Variants in TSPAN2 observed in about 807,000 individuals in gnomAD.
TSPAN2 encodes tetraspanin-2.
A neutral mutation model predicts 33.3 loss-of-function variants in TSPAN2; 24 were observed. The observed-to-expected ratio is 0.72, with a 90% CI of 0.52 to 1.01. TSPAN2 has a LOEUF of 1.01. Ranked by LOEUF, TSPAN2 falls within the 50% of genes least tolerant of loss-of-function variation. TSPAN2 has a pLI of 0.00. For missense variants in TSPAN2, 278 were observed against 281.3 expected (o/e 0.99, Z 0.08); for synonymous variants, 114 against 104.5 (o/e 1.09, Z -0.56).
intron 2 of TSPAN2, among the ~76,000 whole-genome samples, chr1:115,065,010 C>T (rs1399299577): frequency 1.3e-5 from 2 of 152,158 alleles, no homozygotes; most frequent in Non-Finnish European, 2.9e-5. Context: ...ATATTTCATT[C>T]TTAGGCTATC....
At chr1:115,070,544 C>T (rs1648129591) in intron 2 of TSPAN2, among the ~76,000 whole-genome samples, 1 of 151,800 alleles carries the variant, frequency 6.6e-6, no homozygotes, top group East Asian at 1.9e-4. Context: ...CCCTTTCCCT[C>T]CCCAACATTC....
rs142068776 is a variant in TSPAN2 at position 115,071,482 on chromosome 1, C to A, written c.172+1423G>T. Among the ~76,000 whole-genome samples the A allele has an allele frequency of 8.8e-4, 134 of 152,294 alleles. 1 individual carries two copies. Among genetic ancestry groups the A allele is most frequent in the Non-Finnish European group, 1.6e-3 (107 of 68,022 alleles). On this transcript the variant is annotated intron_variant, in intron 2 of 7. Coordinates refer to ENST00000369516, the MANE Select transcript of TSPAN2 (RefSeq NM_005725.6). ...AACCTGGGCCTTTGATGACTTTGTT[C>A]AGCTCTGAACGAATTCTGGAAAGTC...
At chr1:115,070,742 C>T (rs1648137183) in intron 2 of TSPAN2, among the ~76,000 whole-genome samples, 1 of 152,166 alleles carries the variant, frequency 6.6e-6, no homozygotes, top group South Asian at 2.1e-4. Flanking sequence ...ATCCTTCTTT[C>T]CTTACCAGTT....
At chr1:115,077,332 TA>T (rs56178923) in intron 1 of TSPAN2, among the ~76,000 whole-genome samples, 79,178 of 148,772 alleles carry the variant, frequency 0.53, 21,361 homozygotes, top group African/African-American at 0.65. Flanking sequence ...GAAAAATACT[TA>T]AAAAAAAAAA....
intron 2 of TSPAN2, among the ~76,000 whole-genome samples, chr1:115,072,451 A>G (rs1336989340): frequency 6.6e-6 from 1 of 152,216 alleles, no homozygotes; most frequent in African/African-American, 2.4e-5. Flanking sequence ...TTAAAATATA[A>G]GATCACAAAA....
At chr1:115,053,276 T>C (rs950888298) in intron 7 of TSPAN2, 103 bp downstream of exon 7, 7 of 1,004,758 alleles carry the variant, frequency 7.0e-6, no homozygotes, top group Non-Finnish European at 1.1e-5. Flanking sequence ...TTTTTCTTTA[T>C]GAGAATTCTC....
chr1:115,049,722 A>G lies in TSPAN2; in HGVS notation c.*768T>C. On this transcript the variant is annotated 3_prime_UTR_variant, in exon 8 of 8. Coordinates refer to ENST00000369516, the MANE Select transcript of TSPAN2 (RefSeq NM_005725.6). ...CAATATTTACATGTTTTTGTATAAG[A>G]ACAAAAATATTTCCTTAAAAAGTTG... is the stretch of plus-strand genomic sequence containing the variant. 1 of 152,654 alleles carries G rather than the reference A, an allele frequency of 6.6e-6. No homozygotes were observed. The highest frequency in any genetic ancestry group is 1.9e-4 in the East Asian group (1 of 5,202). 9.5% of individuals were successfully genotyped at this position (152,654 alleles called of 1,614,324 possible).
At chr1:115,064,200 C>A (rs1191770400) in intron 2 of TSPAN2, among the ~76,000 whole-genome samples, 9 of 152,238 alleles carry the variant, frequency 5.9e-5, no homozygotes, top group Admixed American at 5.9e-4. Flanking sequence ...GTCAAGATGG[C>A]TGTAGGCAGG....
At chr1:115,076,383 T>C (rs1238012776) in intron 1 of TSPAN2, among the ~76,000 whole-genome samples, 2 of 152,074 alleles carry the variant, frequency 1.3e-5, no homozygotes, top group African/African-American at 2.4e-5. Flanking sequence ...AAGGTCTGCC[T>C]GAGGGGAGGA....
intron 1 of TSPAN2, among the ~76,000 whole-genome samples, chr1:115,075,077 C>T (rs1479081247): frequency 6.6e-6 from 1 of 152,096 alleles, no homozygotes; most frequent in Admixed American, 6.6e-5. Flanking sequence ...CCAGGGACAC[C>T]CCACCACGAG....
chr1:115,049,855 CAT>C lies in TSPAN2; in HGVS notation c.*633_*634del, dbSNP rs2101017942. 1 of 152,750 alleles carries C rather than the reference CAT, an allele frequency of 6.5e-6. No individual in the cohort carries two copies. The highest frequency in any genetic ancestry group is 2.1e-4 in the South Asian group (1 of 4,832). The allele number at this position is 152,750 out of a possible 1,614,324, so 9.5% of individuals were successfully genotyped here. A position where few individuals can be genotyped will look rare whatever the true frequency, so the allele number is the denominator to read the frequency against. ...TTTTTATTTTTAAATTCTAGGAAAGCATGACTTATTCAAATTGGATTTTCCAT... is the reference window on the plus strand; with the variant it reads ...TTTTTATTTTTAAATTCTAGGAAAGCGACTTATTCAAATTGGATTTTCCAT... On this transcript the variant is annotated 3_prime_UTR_variant, in exon 8 of 8. Transcript: ENST00000369516.
Position 115,089,471 on chromosome 1 carries a change from G to C in TSPAN2, c.-39C>G. 1 of 1,405,900 alleles carries C rather than the reference G, an allele frequency of 7.1e-7. No homozygotes were observed. The highest frequency in any genetic ancestry group is 9.3e-7 in the Non-Finnish European group (1 of 1,071,514). 87.1% of individuals were successfully genotyped at this position (1,405,900 alleles called of 1,614,324 possible). A position where few individuals can be genotyped will look rare whatever the true frequency, so the allele number is the denominator to read the frequency against. On this transcript the variant is annotated 5_prime_UTR_variant, in exon 1 of 8. Coordinates refer to ENST00000369516, the MANE Select transcript of TSPAN2 (RefSeq NM_005725.6). ...GGCGGGATCCCCAGTCCCCAGGCCC[G>C]CGCTACGAGCGCGGGGAGCGGCAGG...
At chr1:115,053,520 C>T in intron 6 of TSPAN2, 58 bp from the exon 7 acceptor site, 1 of 1,407,158 alleles carries the variant, frequency 7.1e-7, no homozygotes, top group African/African-American at 1.4e-5. Context: ...AGTCATTATC[C>T]TGATCCTATC....
In TSPAN2 at chr1:115,073,020, C is replaced by T. The variant is rs372962247; in HGVS notation, c.70-13G>A. The T allele has an allele frequency of 3.4e-5, 55 of 1,610,812 alleles. No homozygotes were observed. The highest frequency in any genetic ancestry group is 2.5e-4 in the South Asian group (23 of 91,010). On this transcript the variant is annotated splice_polypyrimidine_tract_variant and intron_variant, in intron 1 of 7. Transcript: ENST00000369516. Reference sequence around the variant, plus strand: ...CCGATCCAGCCAGCTGGAAGGCAAACGACACTGTGTTTACAGTGGAAGGGG... The same window carrying T: ...CCGATCCAGCCAGCTGGAAGGCAAATGACACTGTGTTTACAGTGGAAGGGG...
At chr1:115,071,718 C>A (rs1437715408) in intron 2 of TSPAN2, among the ~76,000 whole-genome samples, 1 of 152,138 alleles carries the variant, frequency 6.6e-6, no homozygotes, top group Non-Finnish European at 1.5e-5. Flanking sequence ...TGTGGAATGT[C>A]CTTATTGTTA....
chr1:115,072,761 GGGCTCAGAGGT>G, intron 2 of TSPAN2, 133 bp downstream of exon 2: 4 of 683,986 alleles, frequency 5.8e-6, no homozygotes, highest in Non-Finnish European at 1.0e-5. Flanking sequence ...CAGTGCACAG[GGGCTCAGAGGT>G]GGCTCCTTTC....
intron 1 of TSPAN2, 39 bp downstream of exon 1, chr1:115,089,324 GC>G (rs1347958005): frequency 6.7e-6 from 10 of 1,495,424 alleles, no homozygotes; most frequent in Non-Finnish European, 8.1e-6. Flanking sequence ...CCGCCACCCG[GC>G]CCCCTGCCCT....
chr1:115,079,001 T>C (rs1168601073), intron 1 of TSPAN2, among the ~76,000 whole-genome samples: 2 of 152,206 alleles, frequency 1.3e-5, no homozygotes, highest in Non-Finnish European at 2.9e-5. Flanking sequence ...ATCAGTTCTG[T>C]GTTTTCCTAA....
intron 7 of TSPAN2, among the ~76,000 whole-genome samples, chr1:115,052,764 A>G (rs1013191125): frequency 6.6e-6 from 1 of 152,340 alleles, no homozygotes; most frequent in East Asian, 1.9e-4. Context: ...GAGAGCTGGC[A>G]TTTGTTGAGT....
Sources: allele counts gnomAD v4.1 joint callset (sites outside exome capture counted in the v4.1 genomes callset), GRCh38; gene constraint gnomAD v4.1.1; transcripts MANE v1.5; gene names NCBI Gene and HGNC (gene_info 2026-07-23, HGNC 2026-07-21).